Variants in SOX5 observed in about 807,000 individuals in gnomAD.
SOX5 encodes transcription factor SOX-5.
In SOX5, 9 loss-of-function variants were observed where a neutral mutation model predicts 92.0. The ratio of observed to expected loss-of-function variants is 0.10; its 90% confidence interval spans 0.06 to 0.17. The LOEUF (loss-of-function observed/expected upper bound fraction) is 0.17, where lower values mean the gene tolerates loss of function less well. Among genes scored for constraint, SOX5 ranks in the 10% least tolerant of loss-of-function variants. The pLI is 1.00. For synonymous variants in SOX5, 344 were observed against 336.3 expected, an observed-to-expected ratio of 1.02 and a Z score of -0.25; for missense variants, 642 against 944.5, an observed-to-expected ratio of 0.68 and a Z score of 4.20.
chr12:24,424,598 C>T (rs1966421996), intron 1 of SOX5, among the ~76,000 whole-genome samples: 2 of 152,084 alleles, frequency 1.3e-5, no homozygotes, highest in African/African-American at 4.8e-5. Flanking sequence ...AGATTAAACT[C>T]ACACACAGGA....
intron 6 of SOX5, among the ~76,000 whole-genome samples, chr12:23,697,793 T>C (rs891393796): frequency 1.3e-5 from 2 of 152,102 alleles, no homozygotes; most frequent in African/African-American, 4.8e-5. Context: ...TCAAGAGATC[T>C]GCCTGCCTTG....
chr12:23,883,799 T>G (rs142541779), intron 2 of SOX5, among the ~76,000 whole-genome samples: 1 of 152,218 alleles, frequency 6.6e-6, no homozygotes, highest in South Asian at 2.1e-4. Flanking sequence ...TGGTTGCTAT[T>G]GCTGACTAGC....
At chr12:23,939,144 C>T (rs1289783800) in intron 1 of SOX5, among the ~76,000 whole-genome samples, 2 of 150,852 alleles carry the variant, frequency 1.3e-5, no homozygotes, top group African/African-American at 2.4e-5. Flanking sequence ...GAAACCCAAA[C>T]GATGCAAGTG....
rs1461417236 is a variant in SOX5, at chr12:23,970,848, T to A, written c.-1-74824A>T. Reference sequence around the variant, plus strand: ...ACTTTATATATATATATAATTTTTTTTTTTTTTTAAGAAATGGGCTTGATT... The same window carrying A: ...ACTTTATATATATATATAATTTTTTATTTTTTTTAAGAAATGGGCTTGATT... On this transcript the variant is annotated intron_variant, in intron 4 of 4. Transcript: ENST00000446891. Among the ~76,000 whole-genome samples, 3 of 9,612 alleles carry A rather than the reference T, an allele frequency of 3.1e-4. 1 individual carries two copies. The highest frequency in any genetic ancestry group is 4.8e-4 in the African/African-American group (3 of 6,190). 6.3% of individuals were successfully genotyped at this position (9,612 alleles called of 152,430 possible).
intron 4 of SOX5, among the ~76,000 whole-genome samples, chr12:23,987,995 A>G (rs1413528855): frequency 6.6e-6 from 1 of 152,210 alleles, no homozygotes; most frequent in Non-Finnish European, 1.5e-5. Flanking sequence ...CAAGTGAGAG[A>G]TGATAGTAGT....
intron 1 of SOX5, among the ~76,000 whole-genome samples, chr12:24,403,172 C>T (rs542849115): frequency 6.6e-6 from 1 of 152,282 alleles, no homozygotes; most frequent in South Asian, 2.1e-4. Flanking sequence ...ATTATTTTCT[C>T]CTCTTTTCTG....
At chr12:24,069,092 A>G (rs1335443317) in intron 4 of SOX5, among the ~76,000 whole-genome samples, 2 of 151,076 alleles carry the variant, frequency 1.3e-5, no homozygotes, top group African/African-American at 2.4e-5. Context: ...TGTCAAATGA[A>G]ACTCCAGACT....
chr12:24,296,006 G>T (rs1394129221), intron 2 of SOX5, among the ~76,000 whole-genome samples: 1 of 152,164 alleles, frequency 6.6e-6, no homozygotes, highest in Admixed American at 6.5e-5. Flanking sequence ...TTTACCCAGT[G>T]CATTATTTTA....
intron 4 of SOX5, among the ~76,000 whole-genome samples, chr12:24,196,086 T>C (rs999001543): frequency 5.3e-5 from 8 of 152,196 alleles, no homozygotes; most frequent in Admixed American, 3.3e-4. Flanking sequence ...GGTTTTGCCA[T>C]GTTGGACAGG....
At chr12:23,810,675 G>T (rs1471521305) in intron 3 of SOX5, among the ~76,000 whole-genome samples, 14 of 152,130 alleles carry the variant, frequency 9.2e-5, no homozygotes, top group Admixed American at 9.2e-4. Context: ...TGGAGGTGGG[G>T]TTAGATTTTA....
intron 4 of SOX5, among the ~76,000 whole-genome samples, chr12:24,066,933 A>G (rs556871260): frequency 6.6e-5 from 10 of 152,320 alleles, no homozygotes; most frequent in Non-Finnish European, 1.3e-4. Flanking sequence ...CCAGTGGCTC[A>G]ATTCTGATTC....
chr12:24,529,351 T>G (rs1385686477), intron 1 of SOX5, among the ~76,000 whole-genome samples: 1 of 152,214 alleles, frequency 6.6e-6, no homozygotes, highest in Non-Finnish European at 1.5e-5. Flanking sequence ...TAAAATAAAT[T>G]TGTCTGTAGT....
At chr12:23,930,875 C>T (rs1240917732) in intron 1 of SOX5, among the ~76,000 whole-genome samples, 1 of 151,624 alleles carries the variant, frequency 6.6e-6, no homozygotes, top group Non-Finnish European at 1.5e-5. Context: ...TTTCGGTTCT[C>T]ACCTTCTCCT....
intron 2 of SOX5, among the ~76,000 whole-genome samples, chr12:24,347,977 T>C (rs1408420444): frequency 6.7e-6 from 1 of 150,162 alleles, no homozygotes; most frequent in Non-Finnish European, 1.5e-5. Context: ...TTCACTGCTA[T>C]TTTGCCAAGA....
intron 1 of SOX5, among the ~76,000 whole-genome samples, chr12:23,924,509 C>T (rs1478051976): frequency 2.0e-5 from 3 of 152,106 alleles, no homozygotes; most frequent in Non-Finnish European, 4.4e-5. Flanking sequence ...CCCTTTCTAT[C>T]AGAATGTCCT....
chr12:24,515,366 T>C (rs1313477266), intron 1 of SOX5, among the ~76,000 whole-genome samples: 1 of 152,216 alleles, frequency 6.6e-6, no homozygotes, highest in African/African-American at 2.4e-5. Context: ...GTGTCTTCCA[T>C]ACAGTGACAC....
chr12:24,551,558 A>G (rs1953170965), intron 1 of SOX5, among the ~76,000 whole-genome samples: 1 of 152,230 alleles, frequency 6.6e-6, no homozygotes, highest in Non-Finnish European at 1.5e-5. Flanking sequence ...ATATTTGCTG[A>G]GTGCTACAAT....
intron 9 of SOX5, chr12:23,603,825 T>G (rs781197104): frequency 6.6e-6 from 1 of 152,192 alleles, no homozygotes. Context: ...GATAATCTCA[T>G]TGGGCGGGTG....
chr12:23,898,941 A>G (rs1486580171), intron 1 of SOX5, among the ~76,000 whole-genome samples: 1 of 152,272 alleles, frequency 6.6e-6, no homozygotes, highest in East Asian at 1.9e-4. Flanking sequence ...AAAGTAAACT[A>G]TATAACAAAT....
Sources: allele counts gnomAD v4.1 joint callset (sites outside exome capture counted in the v4.1 genomes callset), GRCh38; gene constraint gnomAD v4.1.1; transcripts MANE v1.5; gene names NCBI Gene and HGNC (gene_info 2026-07-23, HGNC 2026-07-21).